The following ARHGEF3 variants were observed in gnomAD, a reference collection of about 807,000 sequenced individuals.
ARHGEF3 encodes Rho guanine nucleotide exchange factor 3.
Under a neutral mutation model 63.2 loss-of-function variants are expected in ARHGEF3, and 28 were observed. The ratio of observed to expected loss-of-function variants is 0.44; its 90% CI spans 0.33 to 0.61. ARHGEF3 has a LOEUF of 0.61. ARHGEF3 is among the 20% of genes least tolerant of loss of function. The pLI, the probability that ARHGEF3 is intolerant of heterozygous loss-of-function variation, is 0.03. For missense variants in ARHGEF3, 533 were observed against 659.3 expected (o/e 0.81, Z 2.10); for synonymous variants, 266 against 254.2 (o/e 1.05, Z -0.44).
chr3:57,014,212 C>G (rs1702856727), intron 2 of ARHGEF3, among the ~76,000 whole-genome samples: 1 of 152,172 alleles, frequency 6.6e-6, no homozygotes. Flanking sequence ...AAACTCCAAA[C>G]ACGTCTGAAT....
chr3:56,933,074 T>A (rs1270510458), intron 3 of ARHGEF3, among the ~76,000 whole-genome samples: 2 of 152,114 alleles, frequency 1.3e-5, no homozygotes, highest in African/African-American at 4.8e-5. Context: ...CAGAGATGCA[T>A]GCAAAATAAA....
chr3:56,888,637 T>C (rs1220889006), intron 3 of ARHGEF3, among the ~76,000 whole-genome samples: 1 of 152,176 alleles, frequency 6.6e-6, no homozygotes, highest in Non-Finnish European at 1.5e-5. Context: ...GCATGGTGGC[T>C]CACGCCTGTA....
In ARHGEF3 at chr3:56,801,692, C is replaced by A. The variant is rs748166844; in HGVS notation, c.96+11G>T. On this transcript the variant is annotated intron_variant, in intron 1 of 9. Transcript: ENST00000296315. ...GACCCATAGAGGTCCAGGTGCAGGG[C>A]GCGGCCCTACCTCAGCGTCCTTGGC... is the stretch of plus-strand genomic sequence containing the variant. The A allele has an allele frequency of 1.3e-6, 2 of 1,554,142 alleles. No homozygotes were observed. Among genetic ancestry groups the A allele is most frequent in the East Asian group, 4.8e-5 (2 of 41,302 alleles).
intron 1 of ARHGEF3, among the ~76,000 whole-genome samples, chr3:57,078,396 A>C (rs1706310885): frequency 6.6e-6 from 1 of 152,230 alleles, no homozygotes; most frequent in Non-Finnish European, 1.5e-5. Context: ...CAGCAAGCCG[A>C]GTCCTCTAAG....
chr3:56,812,468 G>A (rs2108008207), intron 4 of ARHGEF3, among the ~76,000 whole-genome samples: 1 of 152,284 alleles, frequency 6.6e-6, no homozygotes, highest in East Asian at 1.9e-4. Context: ...ACATCAAATA[G>A]CTTATTTTCA....
At chr3:56,772,386 T>A (rs1015287533) in intron 2 of ARHGEF3, among the ~76,000 whole-genome samples, 1 of 152,126 alleles carries the variant, frequency 6.6e-6, no homozygotes, top group African/African-American at 2.4e-5. Flanking sequence ...AGTTCTCAAG[T>A]CATGGATTTT....
At chr3:56,763,364 C>T (rs2035530730) in intron 2 of ARHGEF3, among the ~76,000 whole-genome samples, 2 of 152,170 alleles carry the variant, frequency 1.3e-5, no homozygotes, top group South Asian at 4.1e-4. Flanking sequence ...ACAGCAGACA[C>T]ATCTTTCTGA....
At chr3:56,974,601 C>T (rs1016610772) in intron 2 of ARHGEF3, among the ~76,000 whole-genome samples, 2 of 152,058 alleles carry the variant, frequency 1.3e-5, no homozygotes, top group Admixed American at 6.6e-5. Context: ...AGTGCTGACC[C>T]GCAAATGTTT....
intron 1 of ARHGEF3, among the ~76,000 whole-genome samples, chr3:56,795,276 T>C (rs924612508): frequency 1.3e-5 from 2 of 152,118 alleles, no homozygotes; most frequent in African/African-American, 2.4e-5. Flanking sequence ...CAGATAAGAA[T>C]TGGGCTACAT....
intron 2 of ARHGEF3, among the ~76,000 whole-genome samples, chr3:57,008,172 A>C (rs1044597307): frequency 6.6e-6 from 1 of 152,200 alleles, no homozygotes; most frequent in Non-Finnish European, 1.5e-5. Flanking sequence ...GAACAGATCA[A>C]ACTTCAGCAA....
chr3:56,823,971 AG>A lies in ARHGEF3; in HGVS notation c.193-50156del, dbSNP rs1349244467. 3.0e-5 allele frequency among the ~76,000 whole-genome samples: 4 copies of A among 133,860 alleles called. No homozygotes were observed. In the East Asian group the frequency reaches 6.7e-4, roughly 22 times the overall value. The allele number at this position is 133,860 out of a possible 152,430, so 87.8% of individuals were successfully genotyped here. A position where few individuals can be genotyped will look rare whatever the true frequency, so the allele number is the denominator to read the frequency against. ...CTTTAAAAAACTAAACAAAGAGAAAAGATCTTGAGGAAAGGAAAAAAAAAAA... is the reference window on the plus strand; with the variant it reads ...CTTTAAAAAACTAAACAAAGAGAAAAATCTTGAGGAAAGGAAAAAAAAAAA... On this transcript the variant is annotated intron_variant, in intron 4 of 12. Transcript: ENST00000338458.
chr3:57,068,402 T>G (rs1705687811), intron 1 of ARHGEF3, among the ~76,000 whole-genome samples: 1 of 152,236 alleles, frequency 6.6e-6, no homozygotes, highest in Non-Finnish European at 1.5e-5. Flanking sequence ...ATGCTGCCAC[T>G]CACTGCAGTG....
intron 3 of ARHGEF3, among the ~76,000 whole-genome samples, chr3:56,947,297 T>C (rs1237136527): frequency 6.6e-6 from 1 of 152,188 alleles, no homozygotes; most frequent in Non-Finnish European, 1.5e-5. Context: ...TAAATGTAAA[T>C]GGGCTAAATG....
chr3:56,870,757 A>G (rs982328463), intron 4 of ARHGEF3, among the ~76,000 whole-genome samples: 5 of 151,882 alleles, frequency 3.3e-5, no homozygotes, highest in Non-Finnish European at 5.9e-5. Flanking sequence ...CTTTCTGCCT[A>G]ATTTTGCTGT....
intron 2 of ARHGEF3, among the ~76,000 whole-genome samples, chr3:56,967,796 CA>C (rs945160660): frequency 2.0e-4 from 12 of 60,246 alleles, no homozygotes; most frequent in Non-Finnish European, 3.3e-4. Flanking sequence ...TTATATATTA[CA>C]TATTATATAA....
intron 3 of ARHGEF3, among the ~76,000 whole-genome samples, chr3:56,943,435 A>T (rs754256320): frequency 2.6e-5 from 4 of 152,184 alleles, no homozygotes; most frequent in Admixed American, 1.3e-4. Context: ...CTTGAGACTT[A>T]CCGCTCAGAA....
At chr3:56,945,370 A>G (rs1359581882) in intron 3 of ARHGEF3, among the ~76,000 whole-genome samples, 1 of 152,096 alleles carries the variant, frequency 6.6e-6, no homozygotes, top group Non-Finnish European at 1.5e-5. Context: ...TTTCCTAGTA[A>G]AAGAAAGGGG....
At chr3:56,805,936 T>A (rs568223019), upstream of ARHGEF3, among the ~76,000 whole-genome samples, 4 of 152,272 alleles carry the variant, frequency 2.6e-5, no homozygotes, top group South Asian at 8.3e-4. Flanking sequence ...GGTGTTTAAA[T>A]ACAGATATTT....
intron 2 of ARHGEF3, among the ~76,000 whole-genome samples, chr3:56,979,877 T>C (rs1368613740): frequency 1.3e-5 from 2 of 152,210 alleles, no homozygotes; most frequent in Non-Finnish European, 2.9e-5. Context: ...TCCTGACCTA[T>C]AGGAAGCATC....
Sources: allele counts gnomAD v4.1 joint callset (sites outside exome capture counted in the v4.1 genomes callset), GRCh38; gene constraint gnomAD v4.1.1; transcripts MANE v1.5; gene names NCBI Gene and HGNC (gene_info 2026-07-23, HGNC 2026-07-21).